The following PRSS23 variants were observed in gnomAD, a reference collection of about 807,000 sequenced individuals.
PRSS23 encodes protease, serine 23.
PRSS23 carries 25 observed loss-of-function variants against 34.7 expected under a neutral mutation model. The observed-to-expected ratio is 0.72, with a 90% CI of 0.53 to 1.01. The LOEUF (loss-of-function observed/expected upper bound fraction) is 1.01. Ranked by LOEUF, PRSS23 falls within the 50% of genes least tolerant of loss-of-function variation. The pLI is 0.00. For missense variants in PRSS23, 445 were observed against 475.6 expected, an observed-to-expected ratio of 0.94 and a Z score of 0.60; for synonymous variants, 176 against 186.6, an observed-to-expected ratio of 0.94 and a Z score of 0.46.
At chr11:86,831,096 G>A (rs1030522406) in intron 2 of PRSS23, among the ~76,000 whole-genome samples, 5 of 151,948 alleles carry the variant, frequency 3.3e-5, no homozygotes, top group Admixed American at 6.6e-5. Context: ...TATCCTAGGC[G>A]GATGTTATTC....
At chr11:86,825,210 T>A (rs2134879831) in intron 2 of PRSS23, among the ~76,000 whole-genome samples, 1 of 152,056 alleles carries the variant, frequency 6.6e-6, no homozygotes, top group Non-Finnish European at 1.5e-5. Context: ...TGGTTTTGAT[T>A]TGCATTTCTC....
intron 1 of PRSS23, among the ~76,000 whole-genome samples, chr11:86,802,037 A>T (rs1445382821): frequency 6.6e-6 from 1 of 152,178 alleles, no homozygotes; most frequent in Non-Finnish European, 1.5e-5. Flanking sequence ...TGGTTGTAGC[A>T]TAAGTGTCCA....
In PRSS23 at chr11:86,810,325, T is replaced by C. The variant is rs1342869335; in HGVS notation, c.*1530T>C. The stretch of plus-strand genomic sequence containing the variant: ...GTAAGGATATTCAGATGGAGCACTG[T>C]CACTTAGACATTCTCTGGGGGATTT... On this transcript the variant is annotated 3_prime_UTR_variant, in exon 2 of 2. Coordinates refer to ENST00000280258, the MANE Select transcript of PRSS23 (RefSeq NM_007173.6). 2 of 166,688 alleles carry C rather than the reference T, an allele frequency of 1.2e-5. No individual in the cohort carries two copies. The highest frequency in any genetic ancestry group is 4.8e-5 in the African/African-American group (2 of 41,468). 10.3% of individuals were successfully genotyped at this position (166,688 alleles called of 1,614,324 possible).
chr11:86,951,364 A>C lies in PRSS23; in HGVS notation c.*79A>C, dbSNP rs755666283. On this transcript the variant is annotated 3_prime_UTR_variant, in exon 3 of 3. Coordinates refer to the PRSS23 transcript ENST00000533902. ...TGGAATCATCTGCAGAATACCGAAA[A>C]AGTGCCCAGTTGGAGATTTCATAAA... 66 of 1,614,064 alleles carry C rather than the reference A, an allele frequency of 4.1e-5. No homozygotes were observed. The highest frequency in any genetic ancestry group is 5.6e-5 in the Non-Finnish European group (66 of 1,179,888).
At chr11:86,855,023 G>A (rs1477124122) in intron 2 of PRSS23, among the ~76,000 whole-genome samples, 1 of 152,108 alleles carries the variant, frequency 6.6e-6, no homozygotes, top group African/African-American at 2.4e-5. Context: ...AAATTAGCTG[G>A]GTGTGGTGGC....
chr11:86,862,366 A>G (rs538943563), intron 2 of PRSS23, among the ~76,000 whole-genome samples: 5 of 151,838 alleles, frequency 3.3e-5, no homozygotes, highest in Admixed American at 1.3e-4. Context: ...GGGGGTGTTC[A>G]CCCTGGGATA....
intron 2 of PRSS23, among the ~76,000 whole-genome samples, chr11:86,879,193 G>T: frequency 6.7e-6 from 1 of 148,274 alleles, no homozygotes; most frequent in Non-Finnish European, 1.5e-5. Flanking sequence ...TCTCTGCCCG[G>T]CGGCCCATCA....
In PRSS23 at chr11:86,810,111, C is replaced by T. The variant is rs1037031540; in HGVS notation, c.*1316C>T. 1 of 165,688 alleles carries T rather than the reference C, an allele frequency of 6.0e-6. No homozygotes were observed. Among genetic ancestry groups the T allele is most frequent in the Non-Finnish European group, 1.5e-5 (1 of 68,122 alleles). 10.3% of individuals were successfully genotyped at this position (165,688 alleles called of 1,614,324 possible). Reference sequence around the variant, plus strand: ...TCATGCCTTCCAATAAAGGCCTTTACACATGTTTTATCAATATGATTATCA... The same window carrying T: ...TCATGCCTTCCAATAAAGGCCTTTATACATGTTTTATCAATATGATTATCA... On this transcript the variant is annotated 3_prime_UTR_variant, in exon 2 of 2. Transcript: ENST00000280258.
At chr11:86,918,688 C>T (rs1034428303) in intron 2 of PRSS23, among the ~76,000 whole-genome samples, 3 of 152,152 alleles carry the variant, frequency 2.0e-5, no homozygotes, top group African/African-American at 4.8e-5. Context: ...AACCCAGGGC[C>T]GAGGACATAT....
intron 2 of PRSS23, chr11:86,910,545 C>T (rs955961791): frequency 2.6e-5 from 4 of 152,092 alleles, no homozygotes; most frequent in Non-Finnish European, 4.4e-5. Context: ...AAGGAATATA[C>T]GTGCAAAGTA....
chr11:86,892,440 A>T (rs1276714513), intron 2 of PRSS23: 1 of 152,264 alleles, frequency 6.6e-6, no homozygotes, highest in Non-Finnish European at 1.5e-5. Context: ...AGTTGATGGA[A>T]TGACAATATT....
chr11:86,939,431 T>TTTTTTTTTTAAAAAATATATA (rs1555084022), intron 2 of PRSS23, among the ~76,000 whole-genome samples: 1 of 141,752 alleles, frequency 7.1e-6, no homozygotes, highest in East Asian at 2.0e-4. Flanking sequence ...TATATATTTT[T>TTTTTTTTTTAAAAAATATATA]TAACATGAGT....
intron 2 of PRSS23, among the ~76,000 whole-genome samples, chr11:86,841,871 C>G (rs1948450982): frequency 2.6e-5 from 4 of 152,190 alleles, no homozygotes; most frequent in Admixed American, 6.5e-5. Flanking sequence ...GAACTGGTAC[C>G]ATTCCTTCTG....
chr11:86,899,297 T>C (rs1177952435), intron 2 of PRSS23, among the ~76,000 whole-genome samples: 1 of 152,106 alleles, frequency 6.6e-6, no homozygotes, highest in Non-Finnish European at 1.5e-5. Flanking sequence ...AGGGGGCAGA[T>C]TGCATAAGCT....
At chr11:86,930,860 T>A (rs1420408904) in intron 2 of PRSS23, among the ~76,000 whole-genome samples, 1 of 140,740 alleles carries the variant, frequency 7.1e-6, no homozygotes, top group African/African-American at 2.5e-5. Flanking sequence ...GCAGGTAAAG[T>A]GCTTCACAGT....
intron 2 of PRSS23, among the ~76,000 whole-genome samples, chr11:86,852,949 G>A (rs943559087): frequency 3.3e-5 from 5 of 152,148 alleles, no homozygotes; most frequent in Non-Finnish European, 5.9e-5. Flanking sequence ...CACATCGTGG[G>A]TTCAAGCGAT....
intron 2 of PRSS23, among the ~76,000 whole-genome samples, chr11:86,852,653 G>A (rs1478873301): frequency 6.6e-6 from 1 of 152,056 alleles, no homozygotes; most frequent in Non-Finnish European, 1.5e-5. Context: ...ATGACATTAA[G>A]TACATTCACA....
chr11:86,817,643 T>C (rs1216629264), intron 1 of PRSS23, among the ~76,000 whole-genome samples: 5 of 152,214 alleles, frequency 3.3e-5, no homozygotes, highest in Non-Finnish European at 7.3e-5. Flanking sequence ...TGAAAATCCA[T>C]CCAAGAATCC....
At chr11:86,826,878 T>C (rs528127217) in intron 2 of PRSS23, among the ~76,000 whole-genome samples, 1 of 152,354 alleles carries the variant, frequency 6.6e-6, no homozygotes. Context: ...TTTGATGTGC[T>C]GCTGGATTTG....
Sources: allele counts gnomAD v4.1 joint callset (sites outside exome capture counted in the v4.1 genomes callset), GRCh38; gene constraint gnomAD v4.1.1; transcripts MANE v1.5; gene names NCBI Gene and HGNC (gene_info 2026-07-23, HGNC 2026-07-21).